The following ANAPC5 variants were observed in gnomAD, a reference collection of about 807,000 sequenced individuals.
The protein encoded by ANAPC5 is anaphase promoting complex subunit 5, also known as anaphase-promoting complex subunit 5.
Under a neutral mutation model 91.3 loss-of-function variants are expected in ANAPC5, and 60 were observed. That is an observed-to-expected ratio of 0.66 (90% confidence interval 0.53 to 0.81). The LOEUF (loss-of-function observed/expected upper bound fraction) is 0.81. Among genes scored for constraint, ANAPC5 ranks in the 40% least tolerant of loss-of-function variants. The pLI, the probability that ANAPC5 is intolerant of heterozygous loss-of-function variation, is 0.00. For synonymous variants in ANAPC5, 340 were observed against 364.1 expected (o/e 0.93, Z 0.75); for missense variants, 690 against 931.5 (o/e 0.74, Z 3.37).
chr12:121,336,287 T>C lies in ANAPC5; in HGVS notation c.760-564A>G, dbSNP rs192646762. 1.9e-3 allele frequency among the ~76,000 whole-genome samples: 291 copies of C among 152,186 alleles called. 1 individual carries two copies. Among genetic ancestry groups the C allele is most frequent in the Non-Finnish European group, 3.3e-3 (226 of 68,004 alleles). The stretch of plus-strand genomic sequence containing the variant: ...AAATCCAAATACTATTTAAGAAAAT[T>C]TTCCGAGTAAAAAATCCATTAAGGA... On this transcript the variant is annotated intron_variant, in intron 6 of 16. Coordinates refer to ENST00000261819, the MANE Select transcript of ANAPC5 (RefSeq NM_016237.5).
In ANAPC5 at chr12:121,309,866, G is replaced by A. The variant is rs368305060; in HGVS notation, c.1894-3C>T. ...TGTTCTGGGATTCCAAGAATGAGCT[G>A]AAAAAGAAACATCATGGCACTGTAC... On this transcript the variant is annotated splice_polypyrimidine_tract_variant and splice_region_variant and intron_variant, in intron 15 of 16. Transcript: ENST00000261819. 6.8e-6 allele frequency: 11 copies of A among 1,611,206 alleles called. No homozygotes were observed. The South Asian group carries it at 9.9e-5, about 15-fold the overall frequency.
At chr12:121,309,635 C>G (rs1326294173) in intron 16 of ANAPC5, 66 bp downstream of exon 16, 1 of 1,507,774 alleles carries the variant, frequency 6.6e-7, no homozygotes, top group African/African-American at 1.4e-5. Flanking sequence ...TTTTCTTCTT[C>G]TGGGTCCTAA....
chr12:121,320,275 C>A, intron 12 of ANAPC5, 110 bp downstream of exon 12: 1 of 1,050,848 alleles, frequency 9.5e-7, no homozygotes, highest in South Asian at 1.6e-5. Flanking sequence ...TGACAAGTTC[C>A]TTTTTAGCTC....
rs1903727816 is a variant in ANAPC5, at chr12:121,347,814, G to T, written c.275C>A (p.Ser92Ter). The T allele has an allele frequency of 6.2e-7, 1 of 1,612,522 alleles. No individual in the cohort carries two copies. The highest frequency in any genetic ancestry group is 1.1e-5 in the South Asian group (1 of 91,052). Residue 92 changes from serine (S) to a stop codon, truncating the protein, a stop_gained, in exon 2 of 17, where the codon TCA becomes TAA. Coordinates refer to ENST00000261819, the MANE Select transcript of ANAPC5 (RefSeq NM_016237.5). LOFTEE classifies it high-confidence loss of function. The part of the protein sequence containing the change: ...IEESCPQLAN[S>*]VQIRIKLMAE... ...AAATGAAGTTTACCTGATCTGCACT[G>T]AATTTGCCAGCTGTGGACAAGACTC...
chr12:121,319,114 AACACACACAC>A (rs144370647), intron 13 of ANAPC5, among the ~76,000 whole-genome samples: 4 of 114,642 alleles, frequency 3.5e-5, no homozygotes, highest in South Asian at 2.7e-4. Context: ...TGTATACACA[AACACACACAC>A]ACACACACAC....
At chr12:121,331,191 T>C (rs1903030443) in intron 8 of ANAPC5, 156 bp downstream of exon 8, 2 of 562,142 alleles carry the variant, frequency 3.6e-6, no homozygotes, top group Non-Finnish European at 6.4e-6. Flanking sequence ...TAAGTAAAGA[T>C]AAGTTGCCCT....
intron 11 of ANAPC5, among the ~76,000 whole-genome samples, chr12:121,321,320 T>C (rs541064149): frequency 1.3e-5 from 2 of 149,692 alleles, no homozygotes; most frequent in South Asian, 2.1e-4. Flanking sequence ...ACAAAATACA[T>C]GTAAACAAGA....
chr12:121,331,462 T>A, intron 7 of ANAPC5, 34 bp from the exon 8 acceptor site: 1 of 1,561,658 alleles, frequency 6.4e-7, no homozygotes, highest in African/African-American at 1.4e-5. Flanking sequence ...ATCCCATTAA[T>A]AATCACAAAC....
intron 8 of ANAPC5, chr12:121,330,953 A>ATT: frequency 4.7e-6 from 2 of 423,910 alleles, no homozygotes; most frequent in Non-Finnish European, 8.6e-6. Flanking sequence ...CCTTCAATTG[A>ATT]GAAATAAGAT....
At position 121,342,939 on chromosome 12, in the gene ANAPC5, A is replaced by G. The variant is rs1003190197; in HGVS notation, c.591-870T>C. 1.3e-5 allele frequency among the ~76,000 whole-genome samples: 2 copies of G among 152,218 alleles called. No homozygotes were observed. The highest frequency in any genetic ancestry group is 4.8e-5 in the African/African-American group (2 of 41,452). Reference sequence around the variant, plus strand: ...AGAAATACATGTAAGTACATCCTATAAAATAAAAAGGTTCTCTAACAAAGT... The same window carrying G: ...AGAAATACATGTAAGTACATCCTATGAAATAAAAAGGTTCTCTAACAAAGT... On this transcript the variant is annotated intron_variant, in intron 4 of 16. Coordinates refer to ENST00000261819, the MANE Select transcript of ANAPC5 (RefSeq NM_016237.5). The surrounding 1 kb of genome is among the most constrained non-coding windows in gnomAD (Gnocchi z 4.1).
intron 11 of ANAPC5, chr12:121,326,594 T>C (rs1202817446): frequency 6.6e-6 from 1 of 152,252 alleles, no homozygotes; most frequent in Non-Finnish European, 1.5e-5. Flanking sequence ...CTCTGACATT[T>C]ACAGGTGTTG....
chr12:121,336,449 G>C (rs1555273473), intron 6 of ANAPC5, among the ~76,000 whole-genome samples: 1 of 152,070 alleles, frequency 6.6e-6, no homozygotes, highest in East Asian at 1.9e-4. Flanking sequence ...AGGCCGAGGA[G>C]GGTGGATCAC....
intron 11 of ANAPC5, among the ~76,000 whole-genome samples, chr12:121,323,115 T>C (rs1174303123): frequency 6.6e-6 from 1 of 152,172 alleles, no homozygotes; most frequent in Non-Finnish European, 1.5e-5. Context: ...TAAATTACCC[T>C]ATATAAATGT....
intron 1 of ANAPC5, among the ~76,000 whole-genome samples, chr12:121,348,592 C>T (rs1903761944): frequency 6.6e-6 from 1 of 151,956 alleles, no homozygotes; most frequent in East Asian, 1.9e-4. Flanking sequence ...TTGAACCTGG[C>T]AGGTGGAGGT....
At chr12:121,324,325 A>G (rs1376777293) in intron 11 of ANAPC5, among the ~76,000 whole-genome samples, 1 of 152,138 alleles carries the variant, frequency 6.6e-6, no homozygotes, top group Non-Finnish European at 1.5e-5. Flanking sequence ...GAAAGATCTA[A>G]GGCAAGATGA....
In ANAPC5 at chr12:121,352,231, A is replaced by G; in HGVS notation, c.110T>C (p.Val37Ala). Reference protein sequence around the residue: ...KDWVTPYKIAVLVLLNEMSRT... With the variant: ...KDWVTPYKIAALVLLNEMSRT... Reference sequence around the variant, plus strand: ...GCTCATCTCGTTCAGCAGCACCAGCACCGCGATCTTGTACGGCGTCACCCA... The same window carrying G: ...GCTCATCTCGTTCAGCAGCACCAGCGCCGCGATCTTGTACGGCGTCACCCA... Residue 37 changes from valine (V) to alanine (A), a missense_variant, in exon 1 of 17, where the codon GTG (valine) becomes GCG (alanine). Around this residue, in one of 5 missense-constraint regions of ANAPC5, gnomAD observed 238 missense variants for 264.9 expected, o/e 0.90. Transcript: ENST00000261819. The G allele has an allele frequency of 6.2e-7, 1 of 1,614,096 alleles. No homozygotes were observed. The highest frequency in any genetic ancestry group is 1.1e-5 in the South Asian group (1 of 91,078).
rs566792082 is a variant in ANAPC5 at position 121,345,907 on chromosome 12, A to G, written c.522T>C (p.Asp174=). Residue 174 remains aspartate, a synonymous_variant, in exon 4 of 17, where the codon GAT becomes GAC. Transcript: ENST00000261819. ...CCTCATCTCTACTGGTCAGTTCCAT[A>G]TCAGCATCCTCCACTGTCTTTTTCT... ...NGEKKTVEDA[D]MELTSRDEGE... is the part of the protein sequence containing the mutation. 2.7e-5 allele frequency: 44 copies of G among 1,614,140 alleles called. 1 individual carries two copies. In the South Asian group the frequency reaches 4.6e-4, roughly 17 times the overall value.
chr12:121,319,575 CTTAT>C (rs777647231), intron 13 of ANAPC5, 118 bp downstream of exon 13: 16 of 1,098,570 alleles, frequency 1.5e-5, no homozygotes, highest in Non-Finnish European at 2.0e-5. Flanking sequence ...CCTGTATTTT[CTTAT>C]TTATTAAGAA....
chr12:121,311,029 CT>C (rs572132645), intron 15 of ANAPC5, among the ~76,000 whole-genome samples: 4,558 of 144,782 alleles, frequency 0.031, 239 homozygotes, highest in African/African-American at 0.11. Flanking sequence ...TGAGAACAAA[CT>C]TTTTTTTTTT....
Sources: allele counts gnomAD v4.1 joint callset (sites outside exome capture counted in the v4.1 genomes callset), GRCh38; gene constraint gnomAD v4.1.1; regional missense constraint gnomAD v4.1.1; non-coding constraint Gnocchi (gnomAD v3.1); transcripts MANE v1.5; gene names NCBI Gene and HGNC (gene_info 2026-07-23, HGNC 2026-07-21).